The following FBXW10 variants were observed in gnomAD, a reference collection of about 807,000 sequenced individuals.
FBXW10 encodes the protein F-box/WD repeat-containing protein 10.
FBXW10 carries 68 observed loss-of-function variants against 113.1 expected under a neutral mutation model. That is an observed-to-expected ratio of 0.60 (90% CI 0.49 to 0.74). FBXW10 has a LOEUF of 0.74. Ranked by LOEUF, FBXW10 falls within the 30% of genes least tolerant of loss-of-function variation. The pLI, the probability that FBXW10 is intolerant of heterozygous loss-of-function variation, is 0.00. For synonymous variants in FBXW10, 289 were observed against 481.6 expected (o/e 0.60, Z 5.24); for missense variants, 753 against 1,284.5 (o/e 0.59, Z 6.32).
chr17:18,773,406 A>G (rs1010530371), intron 12 of FBXW10, among the ~76,000 whole-genome samples: 14 of 152,196 alleles, frequency 9.2e-5, no homozygotes, highest in African/African-American at 3.4e-4. Flanking sequence ...ATAAGCAGAA[A>G]AATGATCTGT....
In FBXW10 at chr17:18,744,064, T is replaced by G. The variant is rs896958301; in HGVS notation, c.-181T>G. The G allele has an allele frequency of 1.1e-6, 1 of 891,288 alleles. No individual in the cohort carries two copies. Among genetic ancestry groups the G allele is most frequent in the Non-Finnish European group, 1.7e-6 (1 of 598,334 alleles). 55.2% of individuals were successfully genotyped at this position (891,288 alleles called of 1,614,324 possible). ...TCTGTACAAAAAGCCAGACTTCTGC[T>G]GGCAGTTACTGAGAGAGATAGGCTT... On this transcript the variant is annotated 5_prime_UTR_variant, in exon 1 of 14. Coordinates refer to ENST00000395665, the MANE Select transcript of FBXW10 (RefSeq NM_001267585.2).
chr17:18,770,612 C>T (rs917341165), intron 11 of FBXW10, among the ~76,000 whole-genome samples: 1 of 152,034 alleles, frequency 6.6e-6, no homozygotes, highest in Non-Finnish European at 1.5e-5. Context: ...TGTTTTGACT[C>T]TTAATTCATC....
chr17:18,776,093 C>T (rs925817370), intron 13 of FBXW10, among the ~76,000 whole-genome samples: 4 of 151,160 alleles, frequency 2.6e-5, no homozygotes, highest in African/African-American at 7.3e-5. Context: ...TGGAGATGAG[C>T]GGATTGCCTG....
chr17:18,751,379 C>T (rs2035167924), intron 5 of FBXW10, among the ~76,000 whole-genome samples: 1 of 152,062 alleles, frequency 6.6e-6, no homozygotes, highest in Non-Finnish European at 1.5e-5. Context: ...GAGCCCGCCA[C>T]CACGCCCGGC....
chr17:18,773,265 C>A (rs147788841), intron 12 of FBXW10, among the ~76,000 whole-genome samples: 3 of 152,188 alleles, frequency 2.0e-5, no homozygotes, highest in African/African-American at 7.2e-5. Context: ...TTATAAGAAC[C>A]TTTGCACAGT....
intron 7 of FBXW10, among the ~76,000 whole-genome samples, chr17:18,763,054 T>C (rs1425680242): frequency 6.7e-6 from 1 of 149,748 alleles, no homozygotes; most frequent in East Asian, 1.9e-4. Flanking sequence ...GCAAAACCCT[T>C]GGGAATATTA....
At chr17:18,749,261 G>A (rs1001979429) in intron 2 of FBXW10, among the ~76,000 whole-genome samples, 5 of 152,092 alleles carry the variant, frequency 3.3e-5, no homozygotes, top group Non-Finnish European at 7.4e-5. Flanking sequence ...ATTCTCGGCC[G>A]AGTGCGGTGG....
At chr17:18,758,614 G>C in intron 7 of FBXW10, 109 bp downstream of exon 7, 5 of 1,265,828 alleles carry the variant, frequency 3.9e-6, no homozygotes, top group Non-Finnish European at 5.1e-6. Flanking sequence ...TTTCCTAGAA[G>C]ATACTGACTT....
chr17:18,767,860 C>T (rs962546338), intron 9 of FBXW10, among the ~76,000 whole-genome samples: 18 of 152,172 alleles, frequency 1.2e-4, no homozygotes, highest in Non-Finnish European at 5.9e-5. Flanking sequence ...TTCTGGCCCT[C>T]TCTAGTGCTC....
At chr17:18,757,122 A>G (rs1186045127) in intron 6 of FBXW10, among the ~76,000 whole-genome samples, 9 of 152,228 alleles carry the variant, frequency 5.9e-5, no homozygotes, top group Admixed American at 3.3e-4. Flanking sequence ...ATATATACAT[A>G]AAAATATATG....
chr17:18,751,459 T>A (rs1246975295), intron 5 of FBXW10, among the ~76,000 whole-genome samples: 2 of 152,144 alleles, frequency 1.3e-5, no homozygotes, highest in Non-Finnish European at 2.9e-5. Context: ...CTTGATCTCC[T>A]GACCTTGTGA....
rs961884079 is a variant in FBXW10 at position 18,748,248 on chromosome 17, T to C, written c.670+143T>C. ...TCCTGGCTAACACGGTGAAACCCCGTCTCTACTAAAAATACAAAAAAATTA... is the reference window on the plus strand; with the variant it reads ...TCCTGGCTAACACGGTGAAACCCCGCCTCTACTAAAAATACAAAAAAATTA... On this transcript the variant is annotated intron_variant, in intron 2 of 13. Coordinates refer to ENST00000395665, the MANE Select transcript of FBXW10 (RefSeq NM_001267585.2). 9.2e-6 allele frequency: 13 copies of C among 1,417,576 alleles called. No individual in the cohort carries two copies. In the African/African-American group the frequency reaches 1.5e-4, roughly 16 times the overall value. The allele number at this position is 1,417,576 out of a possible 1,614,324, so 87.8% of individuals were successfully genotyped here. A position where few individuals can be genotyped will look rare whatever the true frequency, so the allele number is the denominator to read the frequency against.
In FBXW10 at chr17:18,779,284, A is replaced by G. The variant is rs2151838985; in HGVS notation, c.3145A>G (p.Asn1049Asp). ...AACAGCGGCCCCTGAACTTGGACAAAATGTATTTATCTAAACCAGCCTTGG... is the reference window on the plus strand; with the variant it reads ...AACAGCGGCCCCTGAACTTGGACAAGATGTATTTATCTAAACCAGCCTTGG... The part of the protein sequence containing the change: ...GKTAAPELGQ[N>D]VFI Residue 1049 changes from asparagine to aspartate, a missense_variant, in exon 14 of 14, where the codon AAT (asparagine) becomes GAT (aspartate). Asn to Asp is a conservative substitution (Grantham distance 23). Coordinates refer to ENST00000395665, the MANE Select transcript of FBXW10 (RefSeq NM_001267585.2). The G allele has an allele frequency of 2.5e-6, 3 of 1,223,440 alleles. 1 individual carries two copies. The East Asian group carries it at 7.1e-5, about 29-fold the overall frequency. The allele number at this position is 1,223,440 out of a possible 1,614,324, so 75.8% of individuals were successfully genotyped here. A position where few individuals can be genotyped will look rare whatever the true frequency, so the allele number is the denominator to read the frequency against.
intron 5 of FBXW10, among the ~76,000 whole-genome samples, chr17:18,752,919 A>G (rs1403841346): frequency 2.0e-5 from 3 of 152,158 alleles, no homozygotes; most frequent in East Asian, 3.8e-4. Flanking sequence ...AGTATAACAC[A>G]AAGAATACCC....
At chr17:18,763,523 G>C (rs78274383) in intron 7 of FBXW10, among the ~76,000 whole-genome samples, 63,065 of 151,372 alleles carry the variant, frequency 0.42, 14,185 homozygotes, top group Non-Finnish European at 0.52. Context: ...TCAGTAATTT[G>C]CCCAGAATCA....
chr17:18,778,022 G>A (rs1405223951), intron 13 of FBXW10, among the ~76,000 whole-genome samples: 4 of 151,530 alleles, frequency 2.6e-5, no homozygotes, highest in Admixed American at 1.3e-4. Context: ...AGGCCGAGGC[G>A]GGTGGATCAC....
At chr17:18,774,448 A>C (rs2035668608) in intron 12 of FBXW10, among the ~76,000 whole-genome samples, 1 of 152,218 alleles carries the variant, frequency 6.6e-6, no homozygotes, top group Non-Finnish European at 1.5e-5. Flanking sequence ...ATACAGTTAG[A>C]TGGAAGGGAT....
Position 18,772,573 on chromosome 17 carries a change from T to G in FBXW10, c.2168T>G (p.Val723Gly). ...ATTCTCTCTAAGTGTAATATTCAGGTTCACAGCCCAAGAGAGTCTGTATCC... is the reference window on the plus strand; with the variant it reads ...ATTCTCTCTAAGTGTAATATTCAGGGTCACAGCCCAAGAGAGTCTGTATCC... ...MEILSKCNIQ[V>G]HSPRESVSSK... is the part of the protein sequence containing the mutation. Residue 723 changes from valine (V) to glycine (G), a missense_variant, in exon 12 of 14, where the codon GTT (valine) becomes GGT (glycine). Physicochemically the swap from Val to Gly is moderately radical, Grantham distance 109 (BLOSUM62 -3). Transcript: ENST00000395665. 1 of 1,613,880 alleles carries G rather than the reference T, an allele frequency of 6.2e-7. No individual in the cohort carries two copies. Among genetic ancestry groups the G allele is most frequent in the Non-Finnish European group, 8.5e-7 (1 of 1,179,760 alleles).
intron 10 of FBXW10, 91 bp downstream of exon 10, chr17:18,768,767 C>T (rs1225016563): frequency 7.5e-7 from 1 of 1,336,204 alleles, no homozygotes; most frequent in African/African-American, 1.4e-5. Context: ...ACCTTCTGCT[C>T]CCTGTAGACA....
Sources: allele counts gnomAD v4.1 joint callset (sites outside exome capture counted in the v4.1 genomes callset), GRCh38; gene constraint gnomAD v4.1.1; transcripts MANE v1.5; gene names NCBI Gene and HGNC (gene_info 2026-07-23, HGNC 2026-07-21).